SPECC1: variants seen among roughly 807,000 people sequenced by gnomAD.
The protein encoded by SPECC1 is sperm antigen with calponin homology and coiled-coil domains 1, also known as cytospin-B.
In SPECC1, 62 loss-of-function variants were observed where a neutral mutation model predicts 104.1. That is an observed-to-expected ratio of 0.60 (90% CI 0.49 to 0.74). The LOEUF (loss-of-function observed/expected upper bound fraction) is 0.74. Ranked by LOEUF, SPECC1 falls within the 30% of genes least tolerant of loss-of-function variation. The probability of loss-of-function intolerance (pLI) is 0.00; values close to 1 mark genes in which losing one functional copy is unlikely to be tolerated. For synonymous variants in SPECC1, 513 were observed against 501.6 expected, an observed-to-expected ratio of 1.02 and a Z score of -0.30; for missense variants, 1,306 against 1,310.5, an observed-to-expected ratio of 1.00 and a Z score of 0.05.
At chr17:20,055,274 T>C (rs894631687) in intron 1 of SPECC1, among the ~76,000 whole-genome samples, 9 of 152,164 alleles carry the variant, frequency 5.9e-5, no homozygotes, top group Middle Eastern at 3.2e-3. Flanking sequence ...CTTTTTTTTT[T>C]TTAGAGGCTG....
At position 20,204,948 on chromosome 17, in the gene SPECC1, A is replaced by G. The variant is rs759500818; in HGVS notation, c.899A>G (p.Tyr300Cys). 6.2e-7 allele frequency: 1 copy of G among 1,614,192 alleles called. No individual in the cohort carries two copies. The highest frequency in any genetic ancestry group is 2.2e-5 in the East Asian group (1 of 44,886). Reference sequence around the variant, plus strand: ...CAGATGTCCAGTGACATTGATGAGTATAAAAAAAACATACATGGAAATGCA... The same window carrying G: ...CAGATGTCCAGTGACATTGATGAGTGTAAAAAAAACATACATGGAAATGCA... ...GNQMSSDIDE[Y>C]KKNIHGNALR... Residue 300 changes from tyrosine (Y) to cysteine (C), a missense_variant, in exon 4 of 15, where the codon TAT becomes TGT. Physicochemically the swap from Tyr to Cys is radical, Grantham distance 194 (BLOSUM62 -2). Transcript: ENST00000395527.
intron 1 of SPECC1, among the ~76,000 whole-genome samples, chr17:20,036,265 G>T (rs570188870): frequency 6.6e-6 from 1 of 152,100 alleles, no homozygotes; most frequent in Non-Finnish European, 1.5e-5. Flanking sequence ...AAGTAGCTGG[G>T]TCTACAGGTG....
At chr17:20,179,472 A>T (rs139479940) in intron 3 of SPECC1, among the ~76,000 whole-genome samples, 51 of 152,368 alleles carry the variant, frequency 3.3e-4, no homozygotes, top group African/African-American at 1.2e-3. Flanking sequence ...GGGGGCACTG[A>T]GAAGGCAGGC....
At chr17:20,161,166 G>A (rs961231477) in intron 3 of SPECC1, among the ~76,000 whole-genome samples, 12 of 152,142 alleles carry the variant, frequency 7.9e-5, no homozygotes, top group African/African-American at 2.7e-4. Context: ...AGCTGAGATC[G>A]CGCTACTGCA....
chr17:20,172,466 C>T (rs1309908272), intron 3 of SPECC1, among the ~76,000 whole-genome samples: 1 of 152,208 alleles, frequency 6.6e-6, no homozygotes, highest in Non-Finnish European at 1.5e-5. Context: ...TAGACCTTTC[C>T]CTTTCTCTCT....
chr17:20,214,068 C>T (rs1202079200), intron 4 of SPECC1, among the ~76,000 whole-genome samples: 1 of 152,192 alleles, frequency 6.6e-6, no homozygotes, highest in Non-Finnish European at 1.5e-5. Flanking sequence ...CAGCCCCTGG[C>T]AACCACAAAT....
At position 20,315,811 on chromosome 17, in the gene SPECC1, CCT is replaced by C. The variant is rs1183052320; in HGVS notation, c.*1747_*1748del. 5.6e-5 allele frequency: 13 copies of C among 232,848 alleles called. No homozygotes were observed. Among genetic ancestry groups the C allele is most frequent in the South Asian group, 5.4e-4 (3 of 5,528 alleles). The allele number at this position is 232,848 out of a possible 1,614,324, so 14.4% of individuals were successfully genotyped here. Reference sequence around the variant, plus strand: ...CACCTTGAGACAAGAACTCCGCCCCCCTGTTAGTGCATCCCAGCTGCAGCTCT... The same window carrying C: ...CACCTTGAGACAAGAACTCCGCCCCCGTTAGTGCATCCCAGCTGCAGCTCT... On this transcript the variant is annotated 3_prime_UTR_variant, in exon 15 of 15. Transcript: ENST00000395527.
chr17:20,156,123 A>G, intron 3 of SPECC1: 1 of 1,380,822 alleles, frequency 7.2e-7, no homozygotes, highest in South Asian at 1.7e-5. Context: ...CGCCAGCCGG[A>G]GCCAGCGCGA....
intron 1 of SPECC1, among the ~76,000 whole-genome samples, chr17:20,064,105 A>C (rs996751291): frequency 6.6e-6 from 1 of 152,190 alleles, no homozygotes; most frequent in Non-Finnish European, 1.5e-5. Flanking sequence ...TCAGTGAGGC[A>C]AGTGAGACCA....
At chr17:20,228,010 C>T (rs905497808) in intron 5 of SPECC1, among the ~76,000 whole-genome samples, 1 of 152,082 alleles carries the variant, frequency 6.6e-6, no homozygotes, top group East Asian at 1.9e-4. Context: ...TTTATGAAGT[C>T]TCTCATTTGA....
At chr17:20,164,199 A>AGTCTTGCTCC (rs1396816083) in intron 3 of SPECC1, among the ~76,000 whole-genome samples, 2 of 148,834 alleles carry the variant, frequency 1.3e-5, no homozygotes, top group Non-Finnish European at 3.0e-5. Context: ...AAAGAGACAA[A>AGTCTTGCTCC]GTCTTGCTCT....
At position 20,302,170 on chromosome 17, in the gene SPECC1, G is replaced by A. The variant is rs188661713; in HGVS notation, c.3058-3853G>A. Among the ~76,000 whole-genome samples the A allele has an allele frequency of 1.9e-4, 29 of 152,330 alleles. No homozygotes were observed. In the East Asian group the frequency reaches 5.2e-3, roughly 27 times the overall value. On this transcript the variant is annotated intron_variant, in intron 13 of 14. Transcript: ENST00000395527. ...CCTGAGAGGGGGAACTCTAGGATTG[G>A]CATCTTTCTCCCGTCGGTTTTGAGT...
At chr17:20,114,646 G>C (rs1386013248) in intron 3 of SPECC1, among the ~76,000 whole-genome samples, 1 of 151,992 alleles carries the variant, frequency 6.6e-6, no homozygotes, top group African/African-American at 2.4e-5. Flanking sequence ...GTGTCCACAG[G>C]GTTCTGAATT....
At chr17:20,150,950 A>G (rs1413465486) in intron 3 of SPECC1, among the ~76,000 whole-genome samples, 1 of 152,162 alleles carries the variant, frequency 6.6e-6, no homozygotes, top group Non-Finnish European at 1.5e-5. Context: ...GGGACCACAT[A>G]TATATTATTT....
intron 3 of SPECC1, among the ~76,000 whole-genome samples, chr17:20,126,833 C>A (rs1310756249): frequency 6.6e-6 from 1 of 152,178 alleles, no homozygotes; most frequent in Non-Finnish European, 1.5e-5. Flanking sequence ...TAAGTCTTCT[C>A]CTCCTATATT....
At chr17:20,236,635 T>C (rs908951235) in intron 7 of SPECC1, among the ~76,000 whole-genome samples, 4 of 148,786 alleles carry the variant, frequency 2.7e-5, no homozygotes, top group African/African-American at 7.5e-5. Context: ...AGGAGCCTAG[T>C]ACAGGCATTT....
Position 20,180,852 on chromosome 17 carries a change from G to A in SPECC1, c.284-23481G>A, listed in dbSNP as rs74327056. On this transcript the variant is annotated intron_variant, in intron 3 of 14. Coordinates refer to ENST00000395527, the MANE Select transcript of SPECC1 (RefSeq NM_001243439.2). Reference sequence around the variant, plus strand: ...TTGCAAACATATTTATTGCGAAAATGTACAGGGAATGTACATTTTCCCCTA... The same window carrying A: ...TTGCAAACATATTTATTGCGAAAATATACAGGGAATGTACATTTTCCCCTA... 2.9e-3 allele frequency among the ~76,000 whole-genome samples: 445 copies of A among 152,220 alleles called. 19 individuals carry two copies. The East Asian group carries it at 0.083, about 28-fold the overall frequency.
chr17:20,182,050 A>G (rs2034928899), intron 3 of SPECC1, among the ~76,000 whole-genome samples: 1 of 151,902 alleles, frequency 6.6e-6, no homozygotes, highest in Admixed American at 6.6e-5. Flanking sequence ...CATGTTCTTA[A>G]TAACTTTATT....
chr17:20,117,246 G>A (rs943253593), intron 3 of SPECC1, among the ~76,000 whole-genome samples: 1 of 151,994 alleles, frequency 6.6e-6, no homozygotes, highest in African/African-American at 2.4e-5. Context: ...TAAATTCTAG[G>A]AGGATTAAAG....
Sources: gnomAD v4.1 joint callset for allele counts (sites outside exome capture counted in the v4.1 genomes callset) on GRCh38, gnomAD v4.1.1 for gene constraint, MANE v1.5 for transcripts, NCBI Gene and HGNC (gene_info 2026-07-23, HGNC 2026-07-21) for gene names.